BLTP3A: variants seen among roughly 807,000 people sequenced by gnomAD.
BLTP3A encodes the protein bridge-like lipid transfer protein family member 3A, also known as ICBP90 binding protein 1.
At chr6:34,824,651 A>G in the BLTP3A span, among the ~76,000 whole-genome samples, 3 of 149,940 alleles carry the variant, frequency 2.0e-5, no homozygotes, top group African/African-American at 7.3e-5. Context: ...ATATATATGT[A>G]TATATGTATT....
the BLTP3A span, among the ~76,000 whole-genome samples, chr6:34,872,134 T>C: frequency 6.6e-6 from 1 of 152,206 alleles, no homozygotes; most frequent in Non-Finnish European, 1.5e-5. Flanking sequence ...GAGGACATAC[T>C]GCACCTGCCA....
the BLTP3A span, chr6:34,858,936 T>A: frequency 3.7e-6 from 6 of 1,614,168 alleles, no homozygotes; most frequent in Non-Finnish European, 5.1e-6. Context: ...AGTCAATGAC[T>A]GGGTCTCCCC....
chr6:34,825,203 G>A, the BLTP3A span, among the ~76,000 whole-genome samples: 1 of 152,054 alleles, frequency 6.6e-6, no homozygotes, highest in Non-Finnish European at 1.5e-5. Flanking sequence ...ATTTAATCTG[G>A]TAGATTTAAA....
chr6:34,808,379 A>C, the BLTP3A span, among the ~76,000 whole-genome samples: 3 of 150,134 alleles, frequency 2.0e-5, no homozygotes, highest in Admixed American at 6.7e-5. Flanking sequence ...AAGAATAGAA[A>C]TCAGTGAAAT....
the BLTP3A span, among the ~76,000 whole-genome samples, chr6:34,850,974 C>A: frequency 6.6e-6 from 1 of 152,050 alleles, no homozygotes; most frequent in African/African-American, 2.4e-5. Flanking sequence ...GGATTATAGG[C>A]AAGAGCCACT....
At chr6:34,873,192 GA>G in the BLTP3A span, 1 of 152,108 alleles carries the variant, frequency 6.6e-6, no homozygotes, top group African/African-American at 2.4e-5. Context: ...TTTAAATCAA[GA>G]AAAAATTTCT....
At chr6:34,873,119 A>G in the BLTP3A span, 2 of 152,250 alleles carry the variant, frequency 1.3e-5, no homozygotes, top group Non-Finnish European at 2.9e-5. Context: ...TGTGGTAGAA[A>G]GTAAATAACA....
At chr6:34,857,318 T>C in the BLTP3A span, 118 of 1,613,414 alleles carry the variant, frequency 7.3e-5, no homozygotes, top group African/African-American at 7.5e-4. Flanking sequence ...CAAAAAGTTG[T>C]GATTGTTTAG....
chr6:34,848,275 C>A, the BLTP3A span, among the ~76,000 whole-genome samples: 2 of 143,612 alleles, frequency 1.4e-5, no homozygotes, highest in South Asian at 2.1e-4. Context: ...CAGAGCAAGA[C>A]CCTGTCTCAA....
chr6:34,808,346 C>CAAAAAAAAAAAAAAAAAAAAAAAAAA, the BLTP3A span, among the ~76,000 whole-genome samples: 2 of 26,734 alleles, frequency 7.5e-5, 1 homozygote, highest in African/African-American at 3.0e-4. Flanking sequence ...AACTCCGTCT[C>CAAAAAAAAAAAAAAAAAAAAAAAAAA]AAAAAAAAAA....
the BLTP3A span, among the ~76,000 whole-genome samples, chr6:34,803,139 G>A: frequency 1.3e-5 from 2 of 151,860 alleles, no homozygotes; most frequent in African/African-American, 2.4e-5. Context: ...AGCTGTGATC[G>A]CGCCACTGCA....
the BLTP3A span, among the ~76,000 whole-genome samples, chr6:34,820,686 GT>G: frequency 6.7e-6 from 1 of 148,332 alleles, no homozygotes; most frequent in Non-Finnish European, 1.5e-5. Flanking sequence ...TCTGGTGTTT[GT>G]TTGTTTTTAT....
At chr6:34,842,144 C>G in the BLTP3A span, among the ~76,000 whole-genome samples, 1 of 152,152 alleles carries the variant, frequency 6.6e-6, no homozygotes, top group African/African-American at 2.4e-5. Flanking sequence ...TCTTTTAGCT[C>G]TAAGCAACTC....
chr6:34,856,326 G>T, the BLTP3A span: 6 of 1,614,048 alleles, frequency 3.7e-6, no homozygotes, highest in Admixed American at 1.0e-4. Flanking sequence ...GAATTTCAGA[G>T]CAAAATGGAG....
the BLTP3A span, among the ~76,000 whole-genome samples, chr6:34,804,600 T>C: frequency 2.6e-5 from 4 of 152,106 alleles, no homozygotes; most frequent in South Asian, 8.3e-4. Context: ...TCTGTATCAC[T>C]TGAATGTAGG....
the BLTP3A span, chr6:34,856,905 G>A: frequency 1.9e-6 from 3 of 1,613,858 alleles, no homozygotes; most frequent in Admixed American, 3.3e-5. Flanking sequence ...TGGTGGTACG[G>A]GTGGATGACC....
At chr6:34,809,314 G>A in the BLTP3A span, among the ~76,000 whole-genome samples, 1 of 152,116 alleles carries the variant, frequency 6.6e-6, no homozygotes, top group Admixed American at 6.5e-5. Flanking sequence ...GATTGATTGA[G>A]CCCAGGAGGT....
At chr6:34,832,298 T>G in the BLTP3A span, among the ~76,000 whole-genome samples, 1 of 151,918 alleles carries the variant, frequency 6.6e-6, no homozygotes, top group Non-Finnish European at 1.5e-5. Context: ...TTTTTTCTAT[T>G]TTTTGTAGTG....
chr6:34,872,441 C>G, the BLTP3A span: 7 of 1,605,282 alleles, frequency 4.4e-6, no homozygotes, highest in Non-Finnish European at 5.9e-6. Flanking sequence ...AGCTCTGAAA[C>G]CAGTGGCTCA....
Sources: allele counts gnomAD v4.1 joint callset (sites outside exome capture counted in the v4.1 genomes callset), GRCh38; gene constraint gnomAD v4.1.1; transcripts MANE v1.5; gene names NCBI Gene and HGNC (gene_info 2026-07-23, HGNC 2026-07-21).